The following EPHX2 variants were observed in gnomAD, a reference collection of about 807,000 sequenced individuals.
The protein encoded by EPHX2 is bifunctional epoxide hydrolase 2.
EPHX2 carries 74 observed loss-of-function variants against 78.7 expected under a neutral mutation model. The ratio of observed to expected loss-of-function variants is 0.94; its 90% CI spans 0.78 to 1.14. The LOEUF (loss-of-function observed/expected upper bound fraction) is 1.14, where lower values mean the gene tolerates loss of function less well. EPHX2 is among the 50% of genes most tolerant of loss of function. The pLI, the probability that EPHX2 is intolerant of heterozygous loss-of-function variation, is 0.00. For synonymous variants in EPHX2, 251 were observed against 255.2 expected (o/e 0.98, Z 0.16); for missense variants, 715 against 702.5 (o/e 1.02, Z -0.20).
chr8:27,498,117 C>T (rs971816372), intron 1 of EPHX2, among the ~76,000 whole-genome samples: 16 of 152,172 alleles, frequency 1.1e-4, no homozygotes, highest in Non-Finnish European at 2.9e-5. Flanking sequence ...ATCTATATAC[C>T]TATCAGTATC....
chr8:27,503,115 A>G (rs1813861386), intron 2 of EPHX2, among the ~76,000 whole-genome samples: 2 of 152,202 alleles, frequency 1.3e-5, no homozygotes, highest in Admixed American at 6.5e-5. Flanking sequence ...CCAGAGAGCT[A>G]TCGAGCCCCT....
chr8:27,515,658 G>A (rs1814419983), intron 6 of EPHX2, 60 bp from the exon 7 acceptor site: 2 of 1,424,338 alleles, frequency 1.4e-6, no homozygotes, highest in South Asian at 1.2e-5. Context: ...AGACGCTGTG[G>A]GGCCTGGGTC....
At chr8:27,545,994 T>A (rs1815569418), downstream of EPHX2, among the ~76,000 whole-genome samples, 1 of 152,100 alleles carries the variant, frequency 6.6e-6, no homozygotes, top group Non-Finnish European at 1.5e-5. Context: ...TGCCCAGGAC[T>A]GCTTGGCTAG....
At chr8:27,537,328 C>T (rs1168918232) in intron 13 of EPHX2, among the ~76,000 whole-genome samples, 2 of 152,204 alleles carry the variant, frequency 1.3e-5, no homozygotes, top group African/African-American at 2.4e-5. Flanking sequence ...GCATTGAGTT[C>T]AGTTTCTTTC....
chr8:27,540,033 T>C (rs2132799399), intron 14 of EPHX2, among the ~76,000 whole-genome samples: 1 of 152,060 alleles, frequency 6.6e-6, no homozygotes, highest in African/African-American at 2.4e-5. Context: ...AAGAGAGGGG[T>C]CCACAGTGGG....
downstream of EPHX2, among the ~76,000 whole-genome samples, chr8:27,547,656 C>T (rs1815597642): frequency 6.6e-6 from 1 of 152,174 alleles, no homozygotes; most frequent in South Asian, 2.1e-4. Flanking sequence ...ACTTACTCCT[C>T]CCATCTAGCT....
intron 16 of EPHX2, among the ~76,000 whole-genome samples, chr8:27,543,395 G>T (rs1262679869): frequency 6.6e-6 from 1 of 152,076 alleles, no homozygotes; most frequent in African/African-American, 2.4e-5. Context: ...ATTTTCTCTG[G>T]AACCTTGGTC....
intron 2 of EPHX2, 26 bp downstream of exon 2, chr8:27,501,036 C>T (rs1398800297): frequency 6.3e-6 from 10 of 1,598,732 alleles, no homozygotes; most frequent in Non-Finnish European, 7.7e-6. Flanking sequence ...CACACAGAGC[C>T]CTTTGGATGA....
In EPHX2 at chr8:27,525,889, C is replaced by T. The variant is rs566116315; in HGVS notation, c.1170+416C>T. ...TGAGAAGTTTCTAGGTATCAGTACACGTGCCACAAAGATGCCTTTCAAAGA... is the reference window on the plus strand; with the variant it reads ...TGAGAAGTTTCTAGGTATCAGTACATGTGCCACAAAGATGCCTTTCAAAGA... On this transcript the variant is annotated intron_variant, in intron 12 of 18. Coordinates refer to ENST00000521400, the MANE Select transcript of EPHX2 (RefSeq NM_001979.6). Among the ~76,000 whole-genome samples the T allele has an allele frequency of 5.9e-5, 9 of 152,310 alleles. No homozygotes were observed. In the South Asian group the frequency reaches 1.0e-3, roughly 18 times the overall value.
chr8:27,510,630 T>C (rs1249616252), intron 5 of EPHX2, among the ~76,000 whole-genome samples: 3 of 152,180 alleles, frequency 2.0e-5, no homozygotes, highest in Non-Finnish European at 4.4e-5. Context: ...GGCTGAGCCC[T>C]AATCTCATCT....
chr8:27,516,917 C>CTTTTTTTTTTTT (rs145423911), intron 8 of EPHX2, among the ~76,000 whole-genome samples: 1 of 144,196 alleles, frequency 6.9e-6, no homozygotes, highest in Non-Finnish European at 1.5e-5. Flanking sequence ...AATTTCCTTC[C>CTTTTTTTTTTTT]TATTTTTTTT....
At chr8:27,530,762 C>CTTTT (rs11343503) in intron 12 of EPHX2, among the ~76,000 whole-genome samples, 1 of 127,360 alleles carries the variant, frequency 7.9e-6, no homozygotes, top group African/African-American at 3.2e-5. Context: ...TAATTTTTTT[C>CTTTT]TTTTTTTTTT....
In EPHX2 at chr8:27,503,679, A is replaced by C. The variant is rs545029636; in HGVS notation, c.262A>C (p.Ile88Leu). ...AGTCTGCCTCCCCAAGAATTTCTCC[A>C]TAAAAGAAATCTTTGACAAGGCGAT... ...AKVCLPKNFS[I>L]KEIFDKAISA... The change falls in exon 3 of 19, where the codon ATA (isoleucine) becomes CTA (leucine). Residue 88 changes from isoleucine (I) to leucine (L), a missense_variant. Ile to Leu is a conservative substitution (Grantham distance 5, BLOSUM62 2). Transcript: ENST00000521400. The C allele has an allele frequency of 1.9e-6, 3 of 1,614,108 alleles. No homozygotes were observed. Among genetic ancestry groups the C allele is most frequent in the Non-Finnish European group, 1.7e-6 (2 of 1,180,008 alleles).
intron 14 of EPHX2, among the ~76,000 whole-genome samples, chr8:27,539,633 A>G (rs1815329629): frequency 6.6e-6 from 1 of 152,212 alleles, no homozygotes; most frequent in South Asian, 2.1e-4. Context: ...CAGGCTGGGT[A>G]TGAAGCTGGG....
At chr8:27,541,382 G>T in intron 15 of EPHX2, 91 bp from the exon 16 acceptor site, 2 of 1,356,724 alleles carry the variant, frequency 1.5e-6, no homozygotes, top group South Asian at 2.4e-5. Flanking sequence ...TTCCCAGGAC[G>T]ACTGGCTGTG....
intron 10 of EPHX2, among the ~76,000 whole-genome samples, chr8:27,522,052 G>T (rs1049003582): frequency 3.3e-5 from 5 of 152,158 alleles, no homozygotes; most frequent in Non-Finnish European, 4.4e-5. Flanking sequence ...GTGGGGTTGT[G>T]GGGGGTAGAA....
intron 1 of EPHX2, among the ~76,000 whole-genome samples, chr8:27,495,449 A>T (rs1461232517): frequency 6.6e-6 from 1 of 152,172 alleles, no homozygotes; most frequent in Admixed American, 6.5e-5. Flanking sequence ...CTTCTAAGAG[A>T]TCATCTCGGG....
intron 1 of EPHX2, among the ~76,000 whole-genome samples, chr8:27,495,124 A>G (rs1209782748): frequency 2.6e-5 from 4 of 152,246 alleles, no homozygotes; most frequent in African/African-American, 4.8e-5. Flanking sequence ...CAATAACTCC[A>G]TGATTTCCTT....
intron 1 of EPHX2, among the ~76,000 whole-genome samples, chr8:27,500,411 G>A (rs946892470): frequency 1.3e-4 from 20 of 152,130 alleles, no homozygotes; most frequent in African/African-American, 4.1e-4. Flanking sequence ...TAAATTACCC[G>A]ATCTGAGGTA....
Sources: gnomAD v4.1 joint callset for allele counts (sites outside exome capture counted in the v4.1 genomes callset) on GRCh38, gnomAD v4.1.1 for gene constraint, MANE v1.5 for transcripts, NCBI Gene and HGNC (gene_info 2026-07-23, HGNC 2026-07-21) for gene names.